SMYD3: variants seen among roughly 807,000 people sequenced by gnomAD.
The protein encoded by SMYD3 is histone-lysine N-methyltransferase SMYD3.
SMYD3 carries 36 observed loss-of-function variants against 57.7 expected under a neutral mutation model. That is an observed-to-expected ratio of 0.62 (90% CI 0.48 to 0.82). The LOEUF is 0.82. SMYD3 is among the 40% of genes least tolerant of loss of function. The pLI, the probability that SMYD3 is intolerant of heterozygous loss-of-function variation, is 0.00. For missense variants in SMYD3, 515 were observed against 538.8 expected (o/e 0.96, Z 0.44); for synonymous variants, 211 against 195.0 (o/e 1.08, Z -0.68).
At chr1:246,180,259 CTCTA>C (rs1164162698) in intron 5 of SMYD3, among the ~76,000 whole-genome samples, 2 of 133,568 alleles carry the variant, frequency 1.5e-5, no homozygotes, top group African/African-American at 3.0e-5. Flanking sequence ...CATAATCTCT[CTCTA>C]TATATATGTG....
chr1:245,818,442 GC>G (rs1360167738), intron 10 of SMYD3, among the ~76,000 whole-genome samples: 1 of 152,144 alleles, frequency 6.6e-6, no homozygotes, highest in Non-Finnish European at 1.5e-5. Context: ...GCAAAATCAT[GC>G]CAAAATGTAA....
chr1:246,005,850 C>T (rs978017667), intron 5 of SMYD3, among the ~76,000 whole-genome samples: 1 of 152,150 alleles, frequency 6.6e-6, no homozygotes, highest in African/African-American at 2.4e-5. Flanking sequence ...AATTTAGGGC[C>T]CCTGTCAGAA....
intron 5 of SMYD3, among the ~76,000 whole-genome samples, chr1:246,104,562 A>T (rs2061082141): frequency 6.6e-6 from 1 of 152,242 alleles, no homozygotes; most frequent in African/African-American, 2.4e-5. Flanking sequence ...TGTGTATAAA[A>T]GTGACACATG....
At chr1:245,880,047 T>C (rs1476587534) in intron 8 of SMYD3, among the ~76,000 whole-genome samples, 2 of 151,278 alleles carry the variant, frequency 1.3e-5, no homozygotes, top group Admixed American at 1.3e-4. Flanking sequence ...GGTGCGTTGC[T>C]GTACACGCCA....
intron 5 of SMYD3, among the ~76,000 whole-genome samples, chr1:246,174,577 G>C (rs1400145153): frequency 6.6e-6 from 1 of 152,190 alleles, no homozygotes; most frequent in Non-Finnish European, 1.5e-5. Context: ...CTCTTGAGTA[G>C]CTGGGACTAC....
At chr1:246,090,886 C>A (rs1002230267) in intron 5 of SMYD3, among the ~76,000 whole-genome samples, 1 of 152,086 alleles carries the variant, frequency 6.6e-6, no homozygotes, top group Non-Finnish European at 1.5e-5. Flanking sequence ...CTAAATTTTG[C>A]TGACGCGAAA....
intron 5 of SMYD3, among the ~76,000 whole-genome samples, chr1:246,144,803 T>C (rs1262180575): frequency 6.6e-6 from 1 of 152,222 alleles, no homozygotes; most frequent in African/African-American, 2.4e-5. Context: ...ATAAAACACT[T>C]GGACACAGGC....
At chr1:245,994,213 T>G (rs28532792) in intron 5 of SMYD3, among the ~76,000 whole-genome samples, 1 of 152,052 alleles carries the variant, frequency 6.6e-6, no homozygotes, top group Admixed American at 6.5e-5. Flanking sequence ...GCATTCCATT[T>G]CTAAAGCCAG....
intron 5 of SMYD3, chr1:246,113,950 C>G (rs2061299266): frequency 6.6e-6 from 1 of 152,190 alleles, no homozygotes; most frequent in South Asian, 2.1e-4. Flanking sequence ...CCTCTCAGCA[C>G]TCCCTGTAAA....
At chr1:246,439,061 T>C (rs559563190) in intron 1 of SMYD3, among the ~76,000 whole-genome samples, 5 of 144,062 alleles carry the variant, frequency 3.5e-5, no homozygotes, top group Admixed American at 6.9e-5. Context: ...TGTTATGCTG[T>C]ATTGGTTTTA....
At chr1:246,372,186 A>G (rs2066203391) in intron 1 of SMYD3, among the ~76,000 whole-genome samples, 1 of 152,236 alleles carries the variant, frequency 6.6e-6, no homozygotes, top group South Asian at 2.1e-4. Context: ...TTAAGAGGTC[A>G]ATCATCTGCT....
At chr1:246,207,361 G>A (rs927554848) in intron 5 of SMYD3, among the ~76,000 whole-genome samples, 13 of 151,942 alleles carry the variant, frequency 8.6e-5, no homozygotes, top group Admixed American at 1.3e-4. Flanking sequence ...CGTTTTCATC[G>A]TTATCAGTGG....
intron 5 of SMYD3, among the ~76,000 whole-genome samples, chr1:246,289,064 A>C (rs1197011493): frequency 6.6e-6 from 1 of 152,144 alleles, no homozygotes; most frequent in East Asian, 1.9e-4. Context: ...GCAGTGAGCC[A>C]AGATTGCGCC....
At chr1:245,817,562 C>G (rs1391032313) in intron 10 of SMYD3, among the ~76,000 whole-genome samples, 6 of 151,894 alleles carry the variant, frequency 4.0e-5, no homozygotes, top group Non-Finnish European at 7.4e-5. Context: ...ACTTTGATGA[C>G]CTGAGAGAAG....
At chr1:245,957,712 T>C (rs2057888542) in intron 5 of SMYD3, among the ~76,000 whole-genome samples, 1 of 152,198 alleles carries the variant, frequency 6.6e-6, no homozygotes, top group South Asian at 2.1e-4. Flanking sequence ...GTCAACCAAA[T>C]TAAATAGCTT....
intron 1 of SMYD3, among the ~76,000 whole-genome samples, chr1:246,455,394 T>A (rs1457267947): frequency 6.6e-6 from 1 of 152,198 alleles, no homozygotes; most frequent in Non-Finnish European, 1.5e-5. Context: ...CATCAAGAAA[T>A]TGTATTTCCA....
At chr1:246,007,445 C>T (rs2148179047) in intron 5 of SMYD3, among the ~76,000 whole-genome samples, 1 of 152,126 alleles carries the variant, frequency 6.6e-6, no homozygotes, top group African/African-American at 2.4e-5. Flanking sequence ...ATTCACCTGG[C>T]ACTTTGGGTT....
intron 1 of SMYD3, among the ~76,000 whole-genome samples, chr1:246,491,559 A>AAG (rs1553356215): frequency 4.0e-5 from 6 of 148,372 alleles, no homozygotes; most frequent in East Asian, 2.0e-4. Flanking sequence ...AAAAAAAAAA[A>AAG]AGAGAGAGAA....
intron 10 of SMYD3, among the ~76,000 whole-genome samples, chr1:245,849,933 G>A (rs1248634291): frequency 2.0e-5 from 3 of 151,762 alleles, no homozygotes; most frequent in South Asian, 2.1e-4. Context: ...GATTGCAAGC[G>A]TGAGCCACTG....
Sources: allele counts gnomAD v4.1 joint callset (sites outside exome capture counted in the v4.1 genomes callset), GRCh38; gene constraint gnomAD v4.1.1; transcripts MANE v1.5; gene names NCBI Gene and HGNC (gene_info 2026-07-23, HGNC 2026-07-21).